Variants in SCML4 observed in about 807,000 individuals in gnomAD.
The protein encoded by SCML4 is Scm polycomb group protein like 4.
A neutral mutation model predicts 41.1 loss-of-function variants in SCML4; 34 were observed. That is an observed-to-expected ratio of 0.83 (90% CI 0.63 to 1.10). The LOEUF (loss-of-function observed/expected upper bound fraction) is 1.10, where lower values mean the gene tolerates loss of function less well. SCML4 is among the 50% of genes least tolerant of loss of function. SCML4 has a pLI of 0.00. For missense variants in SCML4, 522 were observed against 534.1 expected (o/e 0.98, Z 0.22); for synonymous variants, 214 against 220.9 (o/e 0.97, Z 0.28).
chr6:107,831,784 T>C, the SCML4 span, among the ~76,000 whole-genome samples: 1 of 152,006 alleles, frequency 6.6e-6, no homozygotes, highest in African/African-American at 2.4e-5. Flanking sequence ...CCAGGCGAGG[T>C]GGCTCACGTC....
chr6:107,760,284 T>C (rs1439156036), intron 2 of SCML4, among the ~76,000 whole-genome samples: 2 of 152,168 alleles, frequency 1.3e-5, no homozygotes, highest in East Asian at 1.9e-4. Context: ...TATGGAGGAA[T>C]TGACATATAT....
intron 1 of SCML4, among the ~76,000 whole-genome samples, chr6:107,776,216 A>C (rs950147570): frequency 2.6e-5 from 4 of 152,204 alleles, no homozygotes; most frequent in Non-Finnish European, 5.9e-5. Context: ...AAGATTGAAA[A>C]TAAAGCTAAG....
chr6:107,740,549 G>A (rs1014829797), intron 5 of SCML4, among the ~76,000 whole-genome samples: 7 of 152,168 alleles, frequency 4.6e-5, no homozygotes, highest in Admixed American at 2.6e-4. Context: ...GAGGATGTGC[G>A]AGTGTTTCTC....
the SCML4 span, among the ~76,000 whole-genome samples, chr6:107,839,345 GAA>G: frequency 0.41 from 21,693 of 52,910 alleles, 2,313 homozygotes; most frequent in Middle Eastern, 0.52. Flanking sequence ...GAGAGAAAAA[GAA>G]AGAAAGAAAG....
chr6:107,766,355 G>A (rs985358210), intron 2 of SCML4, among the ~76,000 whole-genome samples: 10 of 144,678 alleles, frequency 6.9e-5, no homozygotes, highest in African/African-American at 2.4e-4. Context: ...GGGCAATAAT[G>A]TGAGACTCCG....
At chr6:107,790,035 A>C (rs556889956) in intron 1 of SCML4, among the ~76,000 whole-genome samples, 1 of 152,326 alleles carries the variant, frequency 6.6e-6, no homozygotes, top group East Asian at 1.9e-4. Context: ...TCTTGTGAAA[A>C]GTGGCACAAG....
At chr6:107,795,204 C>G (rs958378782) in intron 1 of SCML4, among the ~76,000 whole-genome samples, 1 of 152,146 alleles carries the variant, frequency 6.6e-6, no homozygotes, top group Non-Finnish European at 1.5e-5. Flanking sequence ...TGTTAATTAA[C>G]TCATAAATTT....
chr6:107,827,078 T>A (rs1052355295), upstream of SCML4, among the ~76,000 whole-genome samples: 6 of 100,882 alleles, frequency 5.9e-5, no homozygotes, highest in South Asian at 3.8e-4. Flanking sequence ...ATATATATAT[T>A]TTTTATATAT....
chr6:107,787,071 G>T (rs183203253), intron 1 of SCML4, among the ~76,000 whole-genome samples: 1 of 152,272 alleles, frequency 6.6e-6, no homozygotes, highest in East Asian at 1.9e-4. Flanking sequence ...TCCCTGTGTC[G>T]GCCCTGGACA....
intron 1 of SCML4, among the ~76,000 whole-genome samples, chr6:107,798,623 C>CT (rs1402324283): frequency 2.0e-5 from 3 of 151,630 alleles, no homozygotes; most frequent in South Asian, 2.1e-4. Context: ...TGATTGCTTC[C>CT]TTTTTTTTAC....
Position 107,719,723 on chromosome 6 carries a change from T to C in SCML4, c.973+980A>G, listed in dbSNP as rs111946623. 1.0e-4 allele frequency: 18 copies of C among 173,692 alleles called. 1 individual carries two copies. The highest frequency in any genetic ancestry group is 1.9e-4 in the Non-Finnish European group (17 of 87,766). The allele number at this position is 173,692 out of a possible 1,614,324, so 10.8% of individuals were successfully genotyped here. A position where few individuals can be genotyped will look rare whatever the true frequency, so the allele number is the denominator to read the frequency against. ...CCTCCCAACAATCCTATGAGGCAGG[T>C]GCTGCCATTATTATTATCACAATTT... On this transcript the variant is annotated intron_variant, in intron 6 of 7. Transcript: ENST00000369020.
At chr6:107,709,473 T>C (rs1774023488) in intron 6 of SCML4, among the ~76,000 whole-genome samples, 1 of 152,130 alleles carries the variant, frequency 6.6e-6, no homozygotes, top group Non-Finnish European at 1.5e-5. Flanking sequence ...CTCCCTACCT[T>C]CCCCACATCC....
chr6:107,826,274 A>C (rs1785252733), upstream of SCML4, among the ~76,000 whole-genome samples: 1 of 141,820 alleles, frequency 7.1e-6, no homozygotes, highest in Non-Finnish European at 1.5e-5. Flanking sequence ...AGAAAAAGAA[A>C]AGAAGAAAAG....
chr6:107,820,486 A>G, intron 1 of SCML4, among the ~76,000 whole-genome samples: 1 of 152,204 alleles, frequency 6.6e-6, no homozygotes, highest in East Asian at 1.9e-4. Context: ...TCAGACATTA[A>G]TATATGCAGA....
intron 2 of SCML4, among the ~76,000 whole-genome samples, chr6:107,751,240 C>A (rs1398714157): frequency 6.6e-6 from 1 of 152,098 alleles, no homozygotes; most frequent in African/African-American, 2.4e-5. Flanking sequence ...ATGAGAAGTG[C>A]AATTGAGTTG....
chr6:107,752,996 C>T (rs1329776320), intron 2 of SCML4, among the ~76,000 whole-genome samples: 4 of 152,126 alleles, frequency 2.6e-5, no homozygotes, highest in Non-Finnish European at 4.4e-5. Context: ...GTAAAGTCAA[C>T]TCCTCTTTCA....
At chr6:107,820,709 C>A (rs947752556) in intron 1 of SCML4, among the ~76,000 whole-genome samples, 4 of 152,162 alleles carry the variant, frequency 2.6e-5, no homozygotes, top group Non-Finnish European at 5.9e-5. Context: ...GCAGCCAGGG[C>A]GTTCGGACTT....
chr6:107,802,104 G>C (rs1246134901), intron 1 of SCML4, among the ~76,000 whole-genome samples: 1 of 152,090 alleles, frequency 6.6e-6, no homozygotes, highest in Non-Finnish European at 1.5e-5. Context: ...TATTTCTCAA[G>C]TGCCTCCTAC....
rs116718739 is a variant in SCML4, at chr6:107,808,246, C to A, written c.-60+15880G>T. On this transcript the variant is annotated intron_variant, in intron 1 of 7. Transcript: ENST00000369020. The stretch of plus-strand genomic sequence containing the variant: ...TATGACAACTTGTTCTTGGCAACCA[C>A]AATGACATACACCCCAAAACCTTCC... 2.2e-3 allele frequency among the ~76,000 whole-genome samples: 338 copies of A among 152,240 alleles called. 1 individual carries two copies. Among genetic ancestry groups the A allele is most frequent in the African/African-American group, 7.8e-3 (323 of 41,534 alleles).
Sources: gnomAD v4.1 joint callset for allele counts (sites outside exome capture counted in the v4.1 genomes callset) on GRCh38, gnomAD v4.1.1 for gene constraint, MANE v1.5 for transcripts, NCBI Gene and HGNC (gene_info 2026-07-23, HGNC 2026-07-21) for gene names.